The following PIGG variants were observed in gnomAD, a reference collection of about 807,000 sequenced individuals.
The protein encoded by PIGG is phosphatidylinositol glycan anchor biosynthesis class G (EMM blood group), also known as GPI ethanolamine phosphate transferase 2, catalytic subunit.
Under a neutral mutation model 83.2 loss-of-function variants are expected in PIGG, and 70 were observed. That is an observed-to-expected ratio of 0.84 (90% confidence interval 0.69 to 1.03). The LOEUF is 1.03. PIGG is among the 50% of genes least tolerant of loss of function. The pLI, the probability that PIGG is intolerant of heterozygous loss-of-function variation, is 0.00. For synonymous variants in PIGG, 532 were observed against 519.5 expected, an observed-to-expected ratio of 1.02 and a Z score of -0.33; for missense variants, 1,257 against 1,233.6, an observed-to-expected ratio of 1.02 and a Z score of -0.28.
At chr4:511,296 TAAAAAAA>T (rs1191304904) in intron 5 of PIGG, among the ~76,000 whole-genome samples, 2 of 128,282 alleles carry the variant, frequency 1.6e-5, no homozygotes, top group Non-Finnish European at 3.4e-5. Flanking sequence ...TCCCCATCTT[TAAAAAAA>T]AAAAAAAAAA....
intron 12 of PIGG, among the ~76,000 whole-genome samples, chr4:538,898 C>T (rs1731402043): frequency 6.6e-6 from 1 of 152,160 alleles, no homozygotes; most frequent in African/African-American, 2.4e-5. Context: ...TGACATGTTA[C>T]ATATCTGGTT....
At chr4:513,654 C>A (rs559427005) in intron 5 of PIGG, among the ~76,000 whole-genome samples, 1 of 152,194 alleles carries the variant, frequency 6.6e-6, no homozygotes, top group Non-Finnish European at 1.5e-5. Context: ...GTTGAAGACT[C>A]AGCAGGCGAG....
rs533778593 is a variant in PIGG, at chr4:528,272, CT to C, written c.2261+1043del. On this transcript the variant is annotated intron_variant, in intron 10 of 12. Transcript: ENST00000453061. The surrounding 1 kb of genome is among the most constrained non-coding windows in gnomAD (Gnocchi z 4.8). Reference sequence around the variant, plus strand: ...TATGAAAGACTACATACTTAAAATACTGGTGATTATATTTAGGACCTGAAAT... The same window carrying C: ...TATGAAAGACTACATACTTAAAATACGGTGATTATATTTAGGACCTGAAAT... The C allele has an allele frequency of 1.1e-3, 1,051 of 981,676 alleles. No homozygotes were observed. Among genetic ancestry groups the C allele is most frequent in the Non-Finnish European group, 1.2e-3 (1,001 of 826,618 alleles). 60.8% of individuals were successfully genotyped at this position (981,676 alleles called of 1,614,324 possible).
chr4:499,335 G>C lies in PIGG; in HGVS notation c.-1G>C, dbSNP rs782195633. ...TCCGCATCCAGCCTAGCGTGTCCAC[G>C]ATGCGGCTGGGCTCCGGGACTTTCG... On this transcript the variant is annotated 5_prime_UTR_variant, in exon 1 of 13. Coordinates refer to ENST00000453061, the MANE Select transcript of PIGG (RefSeq NM_001127178.3). 4.0e-5 allele frequency: 65 copies of C among 1,607,158 alleles called. No homozygotes were observed. Among genetic ancestry groups the C allele is most frequent in the Non-Finnish European group, 5.4e-5 (64 of 1,179,704 alleles).
intron 9 of PIGG, chr4:525,531 C>T (rs962307068): frequency 2.1e-5 from 4 of 186,880 alleles, no homozygotes; most frequent in Admixed American, 1.3e-4. Flanking sequence ...GACTTCATAC[C>T]TGCTGAGGCA....
At chr4:534,840 C>T (rs999404576) in intron 12 of PIGG, among the ~76,000 whole-genome samples, 12 of 151,392 alleles carry the variant, frequency 7.9e-5, no homozygotes, top group Admixed American at 3.3e-4. Flanking sequence ...CGTTTCCTGG[C>T]GGTTTTGTGC....
At chr4:504,554 G>A (rs1176948725) in intron 2 of PIGG, among the ~76,000 whole-genome samples, 1 of 152,134 alleles carries the variant, frequency 6.6e-6, no homozygotes, top group Non-Finnish European at 1.5e-5. Flanking sequence ...ATTGCTCCTG[G>A]GAGAGAGATT....
chr4:534,978 G>A (rs143523150), intron 12 of PIGG, among the ~76,000 whole-genome samples: 1,778 of 152,286 alleles, frequency 0.012, 152 homozygotes, highest in Admixed American at 0.1. Flanking sequence ...CCATCCACAC[G>A]CCCGTCTTCT....
chr4:537,134 T>G (rs1730860024), intron 12 of PIGG: 3 of 152,174 alleles, frequency 2.0e-5, no homozygotes, highest in African/African-American at 4.8e-5. Flanking sequence ...TTTAAAAGTT[T>G]AAAGCATCAA....
In PIGG at chr4:539,633, A is replaced by G. The variant is rs557388429; in HGVS notation, c.*264A>G. 8 of 370,562 alleles carry G rather than the reference A, an allele frequency of 2.2e-5. No individual in the cohort carries two copies. The South Asian group carries it at 2.7e-4, about 12-fold the overall frequency. The allele number at this position is 370,562 out of a possible 1,614,324, so 23.0% of individuals were successfully genotyped here. ...GTGTGACCCAAATATGTGTGTTTAA[A>G]TCAATGAATGAAAAGGTTCTGGACT... On this transcript the variant is annotated 3_prime_UTR_variant, in exon 13 of 13. Coordinates refer to ENST00000453061, the MANE Select transcript of PIGG (RefSeq NM_001127178.3).
chr4:521,026 G>A (rs751574936), intron 6 of PIGG, 30 bp from the exon 7 acceptor site: 12 of 1,447,614 alleles, frequency 8.3e-6, no homozygotes, highest in East Asian at 2.3e-5. Context: ...GTGTGTGTGC[G>A]CGCCTGTAAC....
At chr4:513,457 C>G (rs1722891967) in intron 5 of PIGG, among the ~76,000 whole-genome samples, 1 of 152,142 alleles carries the variant, frequency 6.6e-6, no homozygotes, top group African/African-American at 2.4e-5. Context: ...GTGGGCAGTA[C>G]AGGTCTGGCC....
At chr4:510,270 A>G (rs1054654365) in intron 5 of PIGG, among the ~76,000 whole-genome samples, 1 of 152,236 alleles carries the variant, frequency 6.6e-6, no homozygotes, top group African/African-American at 2.4e-5. Context: ...TGGGAAACGA[A>G]GGGATGGGCT....
Position 499,293 on chromosome 4 carries a change from C to G in PIGG, c.-43C>G. On this transcript the variant is annotated 5_prime_UTR_variant, in exon 1 of 13. Transcript: ENST00000453061. ...GAAGCGCGGCTGCAGCAGGGCGAGG[C>G]TCCAGGTGGGGTCGGTTCCGCATCC... The G allele has an allele frequency of 1.3e-6, 2 of 1,592,810 alleles. No homozygotes were observed. Among genetic ancestry groups the G allele is most frequent in the Non-Finnish European group, 1.7e-6 (2 of 1,175,274 alleles).
chr4:500,073 A>C, intron 1 of PIGG: 2 of 304,604 alleles, frequency 6.6e-6, no homozygotes, highest in Non-Finnish European at 6.2e-6. Flanking sequence ...GCCATCCCGT[A>C]GCTGCAGCTC....
In PIGG at chr4:533,877, C is replaced by G; in HGVS notation, c.2631C>G (p.Thr877=). The G allele has an allele frequency of 6.2e-7, 1 of 1,614,146 alleles. No homozygotes were observed. The highest frequency in any genetic ancestry group is 1.1e-5 in the South Asian group (1 of 91,090). ...CCGCAGGCTTCGTGGGCTTAGACAC[C>G]TACGTGGAAATCCCAGCCGTGCTCC... ...DISAGFVGLD[T]YVEIPAVLLT... Residue 877 remains threonine (T), a synonymous_variant, in exon 12 of 13, where the codon ACC becomes ACG. Transcript: ENST00000453061.
Position 499,504 on chromosome 4 carries a change from C to G in PIGG, c.154+15C>G, listed in dbSNP as rs782397278. The G allele has an allele frequency of 1.9e-6, 3 of 1,580,916 alleles. No homozygotes were observed. The highest frequency in any genetic ancestry group is 2.6e-6 in the Non-Finnish European group (3 of 1,170,312). On this transcript the variant is annotated intron_variant, in intron 1 of 12. Coordinates refer to ENST00000453061, the MANE Select transcript of PIGG (RefSeq NM_001127178.3). Reference sequence around the variant, plus strand: ...ACCCTCGGCTGGTACGGACCCCTCCCCGGCGTCTCCGCTCCCCTGACCCCA... The same window carrying G: ...ACCCTCGGCTGGTACGGACCCCTCCGCGGCGTCTCCGCTCCCCTGACCCCA...
At chr4:525,428 C>A in intron 9 of PIGG, 1 of 843,800 alleles carries the variant, frequency 1.2e-6, no homozygotes. Context: ...GGTCCCGTCA[C>A]TGCAGAGAAC....
intron 10 of PIGG, chr4:527,813 G>C: frequency 1.0e-6 from 1 of 985,410 alleles, no homozygotes; most frequent in Non-Finnish European, 1.2e-6. Context: ...TTTTAATTGT[G>C]TTGTGGTGGT....
Sources: gnomAD v4.1 joint callset for allele counts (sites outside exome capture counted in the v4.1 genomes callset) on GRCh38, gnomAD v4.1.1 for gene constraint, Gnocchi (gnomAD v3.1) non-coding constraint, MANE v1.5 for transcripts, NCBI Gene and HGNC (gene_info 2026-07-23, HGNC 2026-07-21) for gene names.